Variants in CCDC125 observed in about 807,000 individuals in gnomAD.
The protein encoded by CCDC125 is coiled-coil domain-containing protein 125.
Under a neutral mutation model 57.4 loss-of-function variants are expected in CCDC125, and 43 were observed. The ratio of observed to expected loss-of-function variants is 0.75; its 90% CI spans 0.59 to 0.97. CCDC125 has a LOEUF of 0.97. CCDC125 is among the 50% of genes least tolerant of loss of function. The pLI, the probability that CCDC125 is intolerant of heterozygous loss-of-function variation, is 0.00. For missense variants in CCDC125, 563 were observed against 595.7 expected (o/e 0.95, Z 0.57); for synonymous variants, 187 against 195.2 (o/e 0.96, Z 0.35).
rs796094113 is a variant in CCDC125 at position 69,296,401 on chromosome 5, A to C, written c.817-1501T>G. The stretch of plus-strand genomic sequence containing the variant: ...ATCCCATCTCTACTGAAAATACAAA[A>C]ATTAGCTGGGTGTGGTGGCTCATGC... On this transcript the variant is annotated intron_variant, in intron 8 of 11. Transcript: ENST00000396496. Among the ~76,000 whole-genome samples, 4 of 151,980 alleles carry C rather than the reference A, an allele frequency of 2.6e-5. 1 individual carries two copies. Among genetic ancestry groups the C allele is most frequent in the African/African-American group, 9.6e-5 (4 of 41,470 alleles).
chr5:69,300,188 T>C, intron 7 of CCDC125, 61 bp from the exon 8 acceptor site: 3 of 1,164,100 alleles, frequency 2.6e-6, no homozygotes, highest in South Asian at 2.4e-5. Flanking sequence ...TCATCCAATC[T>C]AGTTACCCCA....
At chr5:69,299,149 G>T (rs1230809920) in intron 8 of CCDC125, among the ~76,000 whole-genome samples, 1 of 141,698 alleles carries the variant, frequency 7.1e-6, no homozygotes, top group Middle Eastern at 3.9e-3. Context: ...TCGCTCTTTC[G>T]CCCAGGCCAG....
At chr5:69,324,327 T>C (rs1760457054) in intron 1 of CCDC125, among the ~76,000 whole-genome samples, 1 of 152,224 alleles carries the variant, frequency 6.6e-6, no homozygotes, top group Non-Finnish European at 1.5e-5. Context: ...CTCACCGCAC[T>C]GACAATTCCA....
intron 2 of CCDC125, among the ~76,000 whole-genome samples, chr5:69,316,383 G>A (rs1433746691): frequency 1.3e-5 from 2 of 152,316 alleles, no homozygotes; most frequent in African/African-American, 4.8e-5. Flanking sequence ...GTAAATGTTA[G>A]AGTGATATGA....
At chr5:69,297,261 G>A (rs1484835190) in intron 8 of CCDC125, among the ~76,000 whole-genome samples, 2 of 151,440 alleles carry the variant, frequency 1.3e-5, no homozygotes, top group Non-Finnish European at 2.9e-5. Context: ...GGCTGGTCTC[G>A]AACTCCTGAC....
chr5:69,305,925 G>C (rs1259385430), intron 6 of CCDC125, among the ~76,000 whole-genome samples: 2 of 152,138 alleles, frequency 1.3e-5, no homozygotes, highest in Non-Finnish European at 2.9e-5. Context: ...CGATAGGATT[G>C]TGTGAGCCAC....
At position 69,281,754 on chromosome 5, in the gene CCDC125, G is replaced by T. The variant is rs1195648839; in HGVS notation, c.*975C>A. On this transcript the variant is annotated 3_prime_UTR_variant, in exon 12 of 12. Coordinates refer to ENST00000396496, the MANE Select transcript of CCDC125 (RefSeq NM_176816.5). ...CAGTCCTAGGTATTGTTACTTTTTA[G>T]AGCATTAAGATACATTGCTATATTG... 1.3e-5 allele frequency: 2 copies of T among 152,158 alleles called. No individual in the cohort carries two copies. The highest frequency in any genetic ancestry group is 2.9e-5 in the Non-Finnish European group (2 of 68,026). The allele number at this position is 152,158 out of a possible 1,614,324, so 9.4% of individuals were successfully genotyped here.
At chr5:69,323,696 T>A (rs1207689199) in intron 1 of CCDC125, 1 of 151,878 alleles carries the variant, frequency 6.6e-6, no homozygotes, top group Non-Finnish European at 1.5e-5. Context: ...TACAGAGGAG[T>A]TATGCCTGCC....
chr5:69,279,281 T>G (rs1438048118), downstream of CCDC125, among the ~76,000 whole-genome samples: 2 of 146,240 alleles, frequency 1.4e-5, no homozygotes, highest in Non-Finnish European at 3.0e-5. Context: ...CACTGCAACC[T>G]CCGCCCACTG....
rs182572601 is a variant in CCDC125, at chr5:69,331,176, G to A, written c.-41+1473C>T. Among the ~76,000 whole-genome samples the A allele has an allele frequency of 3.3e-3, 503 of 151,946 alleles. 6 individuals carry two copies. Among genetic ancestry groups the A allele is most frequent in the African/African-American group, 0.012 (488 of 41,510 alleles). On this transcript the variant is annotated intron_variant, in intron 1 of 11. Transcript: ENST00000396496. ...AAATTAGCCAGGTATGGTGGCGGGC[G>A]CCTTTAATCCCAACTACTTGGGAGG...
intron 11 of CCDC125, among the ~76,000 whole-genome samples, chr5:69,284,074 C>T (rs1318120096): frequency 6.6e-6 from 1 of 151,752 alleles, no homozygotes; most frequent in Non-Finnish European, 1.5e-5. Context: ...CAGGCATGAG[C>T]CACTGTGCCC....
chr5:69,278,240 C>G (rs879835444), downstream of CCDC125, among the ~76,000 whole-genome samples: 6 of 151,436 alleles, frequency 4.0e-5, no homozygotes, highest in Non-Finnish European at 8.8e-5. Flanking sequence ...GAGTCTCGCT[C>G]TGTCACCCAG....
At chr5:69,310,934 G>T in intron 4 of CCDC125, 184 bp downstream of exon 4, 2 of 365,630 alleles carry the variant, frequency 5.5e-6, no homozygotes, top group Non-Finnish European at 1.0e-5. Context: ...TAGTAAAAAT[G>T]AATTGTAGTG....
At chr5:69,283,511 T>C (rs550188130) in intron 11 of CCDC125, among the ~76,000 whole-genome samples, 63 of 151,538 alleles carry the variant, frequency 4.2e-4, no homozygotes, top group Middle Eastern at 6.9e-3. Context: ...TGAGCCACCG[T>C]GCCCGGCCAA....
At chr5:69,326,721 TTTTG>T in intron 1 of CCDC125, among the ~76,000 whole-genome samples, 1 of 152,156 alleles carries the variant, frequency 6.6e-6, no homozygotes, top group Non-Finnish European at 1.5e-5. Context: ...TTTGTTGTTG[TTTTG>T]TTTGTTTTTT....
intron 6 of CCDC125, among the ~76,000 whole-genome samples, chr5:69,305,724 C>T (rs946442229): frequency 2.0e-5 from 3 of 152,172 alleles, no homozygotes; most frequent in African/African-American, 7.2e-5. Flanking sequence ...TGCACCGAGT[C>T]AAGCAGCTGA....
At chr5:69,291,090 G>C (rs1754384292) in intron 10 of CCDC125, among the ~76,000 whole-genome samples, 2 of 152,136 alleles carry the variant, frequency 1.3e-5, no homozygotes. Context: ...AGTCATCCTA[G>C]AATTTTTCTA....
chr5:69,311,303 T>TA (rs1758099689), intron 3 of CCDC125, 99 bp from the exon 4 acceptor site: 1 of 649,318 alleles, frequency 1.5e-6, no homozygotes. Flanking sequence ...TCAAACCACT[T>TA]ACAAATGTGG....
At chr5:69,300,289 G>A (rs1271198748) in intron 7 of CCDC125, among the ~76,000 whole-genome samples, 162 bp from the exon 8 acceptor site, 2 of 152,098 alleles carry the variant, frequency 1.3e-5, no homozygotes, top group Non-Finnish European at 2.9e-5. Context: ...TGAGTATCAC[G>A]TAAGATCATA....
Sources: allele counts gnomAD v4.1 joint callset (sites outside exome capture counted in the v4.1 genomes callset), GRCh38; gene constraint gnomAD v4.1.1; transcripts MANE v1.5; gene names NCBI Gene and HGNC (gene_info 2026-07-23, HGNC 2026-07-21).